Variants in PLEKHG6 observed in about 807,000 individuals in gnomAD.
PLEKHG6 encodes pleckstrin homology and RhoGEF domain containing G6, also known as pleckstrin homology domain-containing family G member 6.
In PLEKHG6, 91 loss-of-function variants were observed where a neutral mutation model predicts 97.5. The observed-to-expected ratio is 0.93, with a 90% CI of 0.79 to 1.11. PLEKHG6 has a LOEUF of 1.11. Among genes scored for constraint, PLEKHG6 ranks in the 50% most tolerant of loss-of-function variants. The pLI is 0.00. For synonymous variants in PLEKHG6, 466 were observed against 425.5 expected (o/e 1.10, Z -1.17); for missense variants, 1,044 against 1,031.0 (o/e 1.01, Z -0.17).
chr12:6,314,723 G>A (rs1013422545), intron 3 of PLEKHG6, among the ~76,000 whole-genome samples: 7 of 152,074 alleles, frequency 4.6e-5, no homozygotes, highest in African/African-American at 1.7e-4. Context: ...CTGTCAGGGA[G>A]CCTAGATCAG....
At position 6,313,016 on chromosome 12, in the gene PLEKHG6, G is replaced by A. The variant is rs890571003; in HGVS notation, c.139-613G>A. The A allele has an allele frequency of 6.1e-6, 9 of 1,474,440 alleles. No homozygotes were observed. The African/African-American group carries it at 1.1e-4, about 18-fold the overall frequency. The allele number at this position is 1,474,440 out of a possible 1,614,324, so 91.3% of individuals were successfully genotyped here. A position where few individuals can be genotyped will look rare whatever the true frequency, so the allele number is the denominator to read the frequency against. Reference sequence around the variant, plus strand: ...CTTTCCTAGGCTGTGGGTGAGAAGGGAGACTAGAAAGTATGTGGGGTAATT... The same window carrying A: ...CTTTCCTAGGCTGTGGGTGAGAAGGAAGACTAGAAAGTATGTGGGGTAATT... On this transcript the variant is annotated intron_variant, in intron 2 of 15. Transcript: ENST00000684764.
intron 14 of PLEKHG6, 136 bp downstream of exon 14, chr12:6,326,709 C>A: frequency 3.7e-6 from 3 of 810,562 alleles, no homozygotes; most frequent in Non-Finnish European, 5.3e-6. Flanking sequence ...GGTAGGGAAG[C>A]TCGGTACCAG....
At chr12:6,311,580 T>G (rs920500695) in intron 1 of PLEKHG6, among the ~76,000 whole-genome samples, 3 of 152,208 alleles carry the variant, frequency 2.0e-5, no homozygotes, top group African/African-American at 7.2e-5. Flanking sequence ...GGACACTGAA[T>G]TTGAATATCA....
intron 13 of PLEKHG6, chr12:6,319,691 T>C (rs1350364016): frequency 6.5e-7 from 1 of 1,529,360 alleles, no homozygotes; most frequent in Non-Finnish European, 8.7e-7. Context: ...CAGCCTGAAA[T>C]GATTAACTTC....
Position 6,328,044 on chromosome 12 carries a change from G to C in PLEKHG6, c.2364-92G>C, listed in dbSNP as rs756403731. 1.9e-6 allele frequency: 3 copies of C among 1,584,440 alleles called. No individual in the cohort carries two copies. The East Asian group carries it at 6.7e-5, about 35-fold the overall frequency. On this transcript the variant is annotated intron_variant, in intron 15 of 15. Transcript: ENST00000684764. ...GAAAGAGGGCAAAGCAGGAACAGGG[G>C]CTGAGGCAGGAAGGGCTCTCCGCCT... is the stretch of plus-strand genomic sequence containing the variant.
chr12:6,323,406 C>T (rs1947762031), intron 13 of PLEKHG6, among the ~76,000 whole-genome samples: 2 of 152,228 alleles, frequency 1.3e-5, no homozygotes, highest in African/African-American at 2.4e-5. Flanking sequence ...CTGTTGGTCC[C>T]TTTCATAGAG....
rs1320601551 is a variant in PLEKHG6 at position 6,326,107 on chromosome 12, C to T, written c.1525-321C>T. ...GGATCACAAGGTCAGGAGTTTGAGA[C>T]CAGCCTGGCCAAGATGGTGAAACCC... On this transcript the variant is annotated intron_variant, in intron 13 of 15. Transcript: ENST00000684764. Among the ~76,000 whole-genome samples, 3 of 151,916 alleles carry T rather than the reference C, an allele frequency of 2.0e-5. 1 individual carries two copies. The East Asian group carries it at 5.8e-4, about 29-fold the overall frequency.
rs547232908 is a variant in PLEKHG6 at position 6,315,610 on chromosome 12, C to A, written c.516C>A (p.Thr172=). Residue 172 remains threonine, a synonymous_variant, in exon 5 of 16, where the codon ACC becomes ACA. Coordinates refer to ENST00000684764, the MANE Select transcript of PLEKHG6 (RefSeq NM_001384598.1). This position sits in a 1 kb window ranked among gnomAD's most constrained non-coding sequence, Gnocchi z 4.5. ...QQEALWELLT[T]ELIYVRKLKI... is the part of the protein sequence containing the mutation. ...AGGCCCTGTGGGAGCTCCTGACCACCGAGCTGATCTACGTGAGAAAGCTCA... is the reference window on the plus strand; with the variant it reads ...AGGCCCTGTGGGAGCTCCTGACCACAGAGCTGATCTACGTGAGAAAGCTCA... 1.3e-6 allele frequency: 2 copies of A among 1,590,118 alleles called. No homozygotes were observed. The highest frequency in any genetic ancestry group is 1.7e-6 in the Non-Finnish European group (2 of 1,160,402).
At chr12:6,318,557 C>A in intron 11 of PLEKHG6, 137 bp downstream of exon 11, 1 of 1,254,422 alleles carries the variant, frequency 8.0e-7, no homozygotes, top group Non-Finnish European at 1.1e-6. Flanking sequence ...TTGTGTGACC[C>A]TGAGCCAGCC....
rs1398752609 is a variant in PLEKHG6 at position 6,315,553 on chromosome 12, G to A, written c.460-1G>A. The A allele has an allele frequency of 6.5e-7, 1 of 1,546,528 alleles. No homozygotes were observed. Among genetic ancestry groups the A allele is most frequent in the African/African-American group, 1.4e-5 (1 of 72,896 alleles). Reference sequence around the variant, plus strand: ...CTGAACCAGCATTCTCCCCACCCCAGGAGATGAGCCAGGAGCTCTGCCACC... The same window carrying A: ...CTGAACCAGCATTCTCCCCACCCCAAGAGATGAGCCAGGAGCTCTGCCACC... On this transcript the variant is annotated splice_acceptor_variant, in intron 4 of 15. Transcript: ENST00000684764. LOFTEE classifies it high-confidence loss of function. This position sits in a 1 kb window ranked among gnomAD's most constrained non-coding sequence, Gnocchi z 4.5.
intron 13 of PLEKHG6, among the ~76,000 whole-genome samples, chr12:6,326,096 G>C (rs923211562): frequency 1.6e-4 from 25 of 152,234 alleles, no homozygotes; most frequent in African/African-American, 6.0e-4. Flanking sequence ...CACAAGGTCA[G>C]GAGTTTGAGA....
Position 6,315,611 on chromosome 12 carries a change from G to A in PLEKHG6, c.517G>A (p.Glu173Lys), listed in dbSNP as rs758110476. Residue 173 changes from glutamate to lysine, a missense_variant, in exon 5 of 16, where the codon GAG becomes AAG. By Grantham distance (56) the Glu-to-Lys change is moderately conservative (BLOSUM62 1). Coordinates refer to ENST00000684764, the MANE Select transcript of PLEKHG6 (RefSeq NM_001384598.1). The surrounding 1 kb of genome is among the most constrained non-coding windows in gnomAD (Gnocchi z 4.5). The stretch of plus-strand genomic sequence containing the variant: ...GGCCCTGTGGGAGCTCCTGACCACC[G>A]AGCTGATCTACGTGAGAAAGCTCAA... ...QEALWELLTTELIYVRKLKIM... is the reference protein window; with the variant it reads ...QEALWELLTTKLIYVRKLKIM... 7 of 1,589,934 alleles carry A rather than the reference G, an allele frequency of 4.4e-6. No individual in the cohort carries two copies. The highest frequency in any genetic ancestry group is 3.3e-5 in the South Asian group (3 of 90,316).
Position 6,327,666 on chromosome 12 carries a change from C to T in PLEKHG6, c.2083C>T (p.Pro695Ser), listed in dbSNP as rs140724545. 560 of 1,560,780 alleles carry T rather than the reference C, an allele frequency of 3.6e-4. No individual in the cohort carries two copies. The highest frequency in any genetic ancestry group is 4.5e-4 in the Non-Finnish European group (516 of 1,148,542). ...LHRARLRGQL[P>S]SSPTHADSAG... ...CAGGGCCCGGCTTCGGGGCCAGCTT[C>T]CCTCCTCCCCAACCCATGCTGACTC... The change falls in exon 15 of 16, where the codon CCC becomes TCC. Residue 695 changes from proline (P) to serine (S), a missense_variant. Physicochemically the swap from Pro to Ser is moderately conservative, Grantham distance 74. Transcript: ENST00000684764.
At chr12:6,326,703 G>A (rs1460109549) in intron 14 of PLEKHG6, 130 bp downstream of exon 14, 2 of 854,952 alleles carry the variant, frequency 2.3e-6, no homozygotes, top group Admixed American at 3.6e-5. Flanking sequence ...GGGCAGGGTA[G>A]GGAAGCTCGG....
At chr12:6,322,324 T>C (rs1395904482) in intron 13 of PLEKHG6, among the ~76,000 whole-genome samples, 1 of 152,160 alleles carries the variant, frequency 6.6e-6, no homozygotes, top group Non-Finnish European at 1.5e-5. Flanking sequence ...AGTGGAGATA[T>C]CTTAGGGGCT....
chr12:6,314,982 G>T (rs1334084972), intron 3 of PLEKHG6, 23 bp from the exon 4 acceptor site: 1 of 1,609,862 alleles, frequency 6.2e-7, no homozygotes, highest in African/African-American at 1.3e-5. Context: ...GACCAGAGCT[G>T]ATGCCCTTCT....
At chr12:6,325,345 G>A (rs148086498) in intron 13 of PLEKHG6, among the ~76,000 whole-genome samples, 15 of 152,274 alleles carry the variant, frequency 9.9e-5, no homozygotes, top group African/African-American at 3.6e-4. Context: ...CACCTCTCTA[G>A]GTCTAGGTTT....
At chr12:6,313,090 G>A in intron 2 of PLEKHG6, 1 of 1,532,614 alleles carries the variant, frequency 6.5e-7, no homozygotes, top group Non-Finnish European at 8.8e-7. Context: ...CCTGGGAGGA[G>A]CTGTGTGGCT....
chr12:6,322,706 C>A (rs1423812259), intron 13 of PLEKHG6, among the ~76,000 whole-genome samples: 2 of 152,044 alleles, frequency 1.3e-5, no homozygotes, highest in African/African-American at 2.4e-5. Context: ...CATGGCAAAA[C>A]CCCATCTTTA....
Sources: gnomAD v4.1 joint callset for allele counts (sites outside exome capture counted in the v4.1 genomes callset) on GRCh38, gnomAD v4.1.1 for gene constraint, Gnocchi (gnomAD v3.1) non-coding constraint, MANE v1.5 for transcripts, NCBI Gene and HGNC (gene_info 2026-07-23, HGNC 2026-07-21) for gene names.